DLGAP2: variants seen among roughly 807,000 people sequenced by gnomAD.
DLGAP2 encodes the protein DLG associated protein 2.
DLGAP2 carries 26 observed loss-of-function variants against 100.3 expected under a neutral mutation model. The ratio of observed to expected loss-of-function variants is 0.26; its 90% CI spans 0.19 to 0.36. DLGAP2 has a LOEUF of 0.36. Among genes scored for constraint, DLGAP2 ranks in the 10% least tolerant of loss-of-function variants. The pLI is 1.00. For missense variants in DLGAP2, 1,858 were observed against 1,453.2 expected (o/e 1.28, Z -4.53); for synonymous variants, 886 against 630.1 (o/e 1.41, Z -6.08).
At chr8:903,694 C>T (rs1252000032) in intron 1 of DLGAP2, among the ~76,000 whole-genome samples, 1 of 152,128 alleles carries the variant, frequency 6.6e-6, no homozygotes, top group Non-Finnish European at 1.5e-5. Context: ...GCTCTCCCGC[C>T]CGCACCCCGG....
At chr8:1,312,303 C>T (rs181207079) in intron 3 of DLGAP2, among the ~76,000 whole-genome samples, 9 of 152,270 alleles carry the variant, frequency 5.9e-5, no homozygotes, top group East Asian at 5.8e-4. Context: ...GAGACCGCAC[C>T]GAAGGCACCT....
At chr8:1,282,488 C>G (rs1256266247) in intron 3 of DLGAP2, among the ~76,000 whole-genome samples, 1 of 130,290 alleles carries the variant, frequency 7.7e-6, no homozygotes, top group East Asian at 2.7e-4. Context: ...TGACCTGAAC[C>G]CAGCACGTGA....
chr8:778,765 A>C (rs1486429106), intron 1 of DLGAP2, among the ~76,000 whole-genome samples: 1 of 152,188 alleles, frequency 6.6e-6, no homozygotes, highest in Non-Finnish European at 1.5e-5. Flanking sequence ...AGGGACATTT[A>C]AGTCTGCAGA....
At chr8:1,696,274 G>C (rs1008584835) in intron 13 of DLGAP2, among the ~76,000 whole-genome samples, 2 of 152,190 alleles carry the variant, frequency 1.3e-5, no homozygotes, top group Admixed American at 6.5e-5. Flanking sequence ...GCTGAGGCAA[G>C]AGGGTTGCTT....
chr8:1,145,527 TCTCTC>T (rs535399380), intron 2 of DLGAP2, among the ~76,000 whole-genome samples: 294 of 152,256 alleles, frequency 1.9e-3, no homozygotes, highest in African/African-American at 6.8e-3. Flanking sequence ...TCCTTCCACT[TCTCTC>T]CTCCTGTTTT....
At position 1,558,014 on chromosome 8, in the gene DLGAP2, G is replaced by A. The variant is rs188587720; in HGVS notation, c.1231-7669G>A. ...GAAGGCAGCTTTCTCCCGCTGAATG[G>A]CTGAGGGCATGCCCTGGAGAGACTC... is the stretch of plus-strand genomic sequence containing the variant. On this transcript the variant is annotated intron_variant, in intron 5 of 14. Transcript: ENST00000637795. 3.9e-4 allele frequency among the ~76,000 whole-genome samples: 60 copies of A among 152,348 alleles called. No homozygotes were observed. In the East Asian group the frequency reaches 0.011, roughly 28 times the overall value.
intron 2 of DLGAP2, among the ~76,000 whole-genome samples, chr8:933,427 A>G (rs566537798): frequency 6.9e-6 from 1 of 144,512 alleles, no homozygotes; most frequent in African/African-American, 2.6e-5. Context: ...CCTGCAGTGG[A>G]CATCTGGCTG....
chr8:900,490 G>C (rs1428467290), intron 1 of DLGAP2, among the ~76,000 whole-genome samples: 1 of 152,226 alleles, frequency 6.6e-6, no homozygotes, highest in East Asian at 1.9e-4. Flanking sequence ...GGTCTTGCCG[G>C]CATATAATTA....
At chr8:1,066,730 C>T (rs1426587744) in intron 2 of DLGAP2, among the ~76,000 whole-genome samples, 1 of 152,258 alleles carries the variant, frequency 6.6e-6, no homozygotes, top group Admixed American at 6.5e-5. Flanking sequence ...CACGACTGGC[C>T]TGTCTTTGTC....
At position 1,703,555 on chromosome 8, in the gene DLGAP2, CACTCTGAGTGAA is replaced by C. The variant is rs2130898372; in HGVS notation, c.*2151_*2162del. On this transcript the variant is annotated 3_prime_UTR_variant, in exon 15 of 15. Coordinates refer to ENST00000637795, the MANE Select transcript of DLGAP2 (RefSeq NM_001346810.2). Reference sequence around the variant, plus strand: ...ACCACAGAAAAGCAAAGTCAGTGTACACTCTGAGTGAAAGGAAATGTAATGTGGATAAAGGCC... The same window carrying C: ...ACCACAGAAAAGCAAAGTCAGTGTACAGGAAATGTAATGTGGATAAAGGCC... 1 of 152,416 alleles carries C rather than the reference CACTCTGAGTGAA, an allele frequency of 6.6e-6. No homozygotes were observed. The highest frequency in any genetic ancestry group is 1.5e-5 in the Non-Finnish European group (1 of 68,026). The allele number at this position is 152,416 out of a possible 1,614,324, so 9.4% of individuals were successfully genotyped here.
rs749355126 is a variant in DLGAP2 at position 1,707,193 on chromosome 8, G to A, written c.*5787G>A. The A allele has an allele frequency of 6.6e-6, 1 of 152,484 alleles. No individual in the cohort carries two copies. Among genetic ancestry groups the A allele is most frequent in the South Asian group, 2.1e-4 (1 of 4,810 alleles). The allele number at this position is 152,484 out of a possible 1,614,324, so 9.4% of individuals were successfully genotyped here. On this transcript the variant is annotated 3_prime_UTR_variant, in exon 15 of 15. Transcript: ENST00000637795. ...TGCTTATTCAGAACCTGAAAGCCTT[G>A]GGCATCCAAGCTTTCACCTACTCAA...
chr8:1,616,058 A>G (rs1403821512), intron 6 of DLGAP2, among the ~76,000 whole-genome samples: 1 of 152,248 alleles, frequency 6.6e-6, no homozygotes, highest in Non-Finnish European at 1.5e-5. Flanking sequence ...AATGAAATCC[A>G]TGAGAAAGAG....
intron 2 of DLGAP2, among the ~76,000 whole-genome samples, chr8:1,148,834 A>G (rs1389195975): frequency 6.6e-6 from 1 of 152,054 alleles, no homozygotes; most frequent in Non-Finnish European, 1.5e-5. Context: ...GTCTTTTTTT[A>G]GGTTCCTGCA....
At chr8:1,031,908 C>G (rs543033655) in intron 2 of DLGAP2, among the ~76,000 whole-genome samples, 22 of 152,198 alleles carry the variant, frequency 1.4e-4, no homozygotes, top group Non-Finnish European at 2.6e-4. Context: ...GCTGGTCTCT[C>G]AGATCTGGAT....
chr8:1,507,447 C>T (rs1031707808), intron 4 of DLGAP2, among the ~76,000 whole-genome samples: 65 of 152,142 alleles, frequency 4.3e-4, no homozygotes, highest in African/African-American at 1.4e-3. Flanking sequence ...GCTCCAAGTG[C>T]GGGGCCGCGG....
intron 2 of DLGAP2, among the ~76,000 whole-genome samples, chr8:1,096,888 C>G (rs1432557029): frequency 7.0e-6 from 1 of 143,352 alleles, no homozygotes; most frequent in East Asian, 2.1e-4. Context: ...GAGGTCTCCT[C>G]CAGCGTGAGA....
chr8:1,558,527 A>G (rs150088312), intron 5 of DLGAP2, among the ~76,000 whole-genome samples: 2,242 of 151,868 alleles, frequency 0.015, 27 homozygotes, highest in Middle Eastern at 0.024. Context: ...ATGCACACCC[A>G]TATACCTGCA....
chr8:1,454,572 A>T (rs1046190453), intron 3 of DLGAP2, among the ~76,000 whole-genome samples: 1 of 152,154 alleles, frequency 6.6e-6, no homozygotes, highest in African/African-American at 2.4e-5. Flanking sequence ...GTGAGTGTTC[A>T]TTGCAAGGAA....
chr8:807,174 C>G lies in DLGAP2; in HGVS notation c.18+69349C>G, dbSNP rs183534878. Among the ~76,000 whole-genome samples the G allele has an allele frequency of 3.2e-3, 482 of 152,352 alleles. 3 individuals carry two copies. Among genetic ancestry groups the G allele is most frequent in the African/African-American group, 0.011 (462 of 41,582 alleles). ...TGGCACGACATTTCATCTTCTCATCCTAAACTCCGAGTTCTTCTCTGGTGT... is the reference window on the plus strand; with the variant it reads ...TGGCACGACATTTCATCTTCTCATCGTAAACTCCGAGTTCTTCTCTGGTGT... On this transcript the variant is annotated intron_variant, in intron 1 of 14. Coordinates refer to ENST00000637795, the MANE Select transcript of DLGAP2 (RefSeq NM_001346810.2).
Sources: allele counts gnomAD v4.1 joint callset (sites outside exome capture counted in the v4.1 genomes callset), GRCh38; gene constraint gnomAD v4.1.1; transcripts MANE v1.5; gene names NCBI Gene and HGNC (gene_info 2026-07-23, HGNC 2026-07-21).